FGGY: variants seen among roughly 807,000 people sequenced by gnomAD.
FGGY encodes the protein FGGY carbohydrate kinase domain-containing protein.
In FGGY, 72 loss-of-function variants were observed where a neutral mutation model predicts 71.3. The observed-to-expected ratio is 1.01, with a 90% CI of 0.84 to 1.23. The LOEUF (loss-of-function observed/expected upper bound fraction) is 1.23, where lower values mean the gene tolerates loss of function less well. Ranked by LOEUF, FGGY falls within the 50% of genes most tolerant of loss-of-function variation. The pLI is 0.00. For missense variants in FGGY, 668 were observed against 682.3 expected (o/e 0.98, Z 0.23); for synonymous variants, 251 against 250.3 (o/e 1.00, Z -0.02).
At chr1:59,507,684 ATT>A (rs561953004) in intron 6 of FGGY, among the ~76,000 whole-genome samples, 1,559 of 106,878 alleles carry the variant, frequency 0.015, 16 homozygotes, top group African/African-American at 0.06. Flanking sequence ...TGCTTGGCTA[ATT>A]TTTTTTTTTT....
chr1:59,330,857 T>C lies in FGGY; in HGVS notation c.202-9101T>C, dbSNP rs116407680. 3.0e-3 allele frequency among the ~76,000 whole-genome samples: 464 copies of C among 152,160 alleles called. 4 individuals are homozygous for C. The highest frequency in any genetic ancestry group is 0.011 in the African/African-American group (438 of 41,520). On this transcript the variant is annotated intron_variant, in intron 2 of 15. Transcript: ENST00000303721. The stretch of plus-strand genomic sequence containing the variant: ...CCAATGGGGAGCTCCTCTAGAATCA[T>C]CCTGAGTTTGAGATTGACCAGTCTT...
intron 5 of FGGY, among the ~76,000 whole-genome samples, chr1:59,454,080 A>G (rs17119472): frequency 0.033 from 5,022 of 152,238 alleles, 292 homozygotes; most frequent in African/African-American, 0.12. Context: ...AGGAGCTGAC[A>G]TTGGAACTGG....
chr1:59,442,065 A>G (rs566963126), intron 5 of FGGY, among the ~76,000 whole-genome samples: 112 of 152,242 alleles, frequency 7.4e-4, no homozygotes, highest in African/African-American at 2.6e-3. Context: ...CTTGTATTTC[A>G]CTCATGAAAT....
intron 10 of FGGY, among the ~76,000 whole-genome samples, chr1:59,632,636 C>T (rs920965011): frequency 6.6e-6 from 1 of 152,294 alleles, no homozygotes; most frequent in South Asian, 2.1e-4. Flanking sequence ...ATGTTTGGCA[C>T]TGTGCTTAGT....
At chr1:59,414,075 T>G (rs2063994545) in intron 5 of FGGY, among the ~76,000 whole-genome samples, 1 of 152,176 alleles carries the variant, frequency 6.6e-6, no homozygotes, top group African/African-American at 2.4e-5. Context: ...TAAAATATGT[T>G]GAATTCTTCT....
intron 8 of FGGY, among the ~76,000 whole-genome samples, chr1:59,564,078 G>A (rs1042210233): frequency 4.6e-5 from 7 of 152,096 alleles, no homozygotes; most frequent in Non-Finnish European, 1.0e-4. Flanking sequence ...ACCTGAAACC[G>A]TAAAAAACCT....
chr1:59,499,956 T>C (rs1424130254), intron 6 of FGGY, among the ~76,000 whole-genome samples: 1 of 152,208 alleles, frequency 6.6e-6, no homozygotes. Flanking sequence ...TATATGTTTG[T>C]ATTTCCCTTT....
intron 5 of FGGY, among the ~76,000 whole-genome samples, chr1:59,438,039 G>T (rs1013389422): frequency 3.3e-5 from 5 of 152,200 alleles, no homozygotes; most frequent in African/African-American, 1.2e-4. Context: ...CTAAAGTGAA[G>T]AAATACGACT....
At chr1:59,556,626 C>T (rs184154745) in intron 8 of FGGY, among the ~76,000 whole-genome samples, 1 of 152,284 alleles carries the variant, frequency 6.6e-6, no homozygotes, top group East Asian at 1.9e-4. Context: ...TCTGCTCATG[C>T]ATGTTTTGGC....
chr1:59,440,413 G>A (rs900532274), intron 5 of FGGY, among the ~76,000 whole-genome samples: 3 of 151,850 alleles, frequency 2.0e-5, no homozygotes, highest in Non-Finnish European at 4.4e-5. Context: ...TTTGTTTGTG[G>A]GTGGCTTTGT....
chr1:59,317,852 T>C (rs906737979), intron 1 of FGGY, among the ~76,000 whole-genome samples: 14 of 152,214 alleles, frequency 9.2e-5, no homozygotes, highest in Non-Finnish European at 1.9e-4. Flanking sequence ...GGTTTGACTC[T>C]TTGCTGCATG....
At chr1:59,467,388 A>G (rs1286987100) in intron 6 of FGGY, among the ~76,000 whole-genome samples, 5 of 152,142 alleles carry the variant, frequency 3.3e-5, no homozygotes, top group Non-Finnish European at 5.9e-5. Context: ...TAGAATAAAT[A>G]TCTAATGTAA....
chr1:59,459,891 T>A (rs1484856653), intron 6 of FGGY, among the ~76,000 whole-genome samples: 1 of 152,216 alleles, frequency 6.6e-6, no homozygotes, highest in Admixed American at 6.5e-5. Context: ...AGTGATTATC[T>A]GCATTACTAA....
intron 4 of FGGY, among the ~76,000 whole-genome samples, chr1:59,363,159 A>G (rs2055926533): frequency 1.3e-5 from 2 of 152,234 alleles, no homozygotes; most frequent in Non-Finnish European, 2.9e-5. Flanking sequence ...ACTGAATTGA[A>G]TTCGGCTAAC....
Position 59,601,705 on chromosome 1 carries a change from G to A in FGGY, c.904-6098G>A, listed in dbSNP as rs1160443157. 2.0e-5 allele frequency among the ~76,000 whole-genome samples: 3 copies of A among 152,136 alleles called. No homozygotes were observed. In the East Asian group the frequency reaches 5.8e-4, roughly 29 times the overall value. On this transcript the variant is annotated intron_variant, in intron 8 of 15. Coordinates refer to ENST00000303721, the MANE Select transcript of FGGY (RefSeq NM_018291.5). The stretch of plus-strand genomic sequence containing the variant: ...CAAGTCCCCCTAGATTATAAACTTC[G>A]GGAGGACGGAGACTACATCACTTAT...
At chr1:59,407,090 C>G (rs140155053) in intron 5 of FGGY, among the ~76,000 whole-genome samples, 1 of 152,298 alleles carries the variant, frequency 6.6e-6, no homozygotes, top group East Asian at 1.9e-4. Flanking sequence ...CTCTGTCTGC[C>G]TTGGGCAGCA....
chr1:59,307,554 C>G (rs944396807), intron 1 of FGGY, among the ~76,000 whole-genome samples: 3 of 152,266 alleles, frequency 2.0e-5, no homozygotes, highest in Middle Eastern at 3.4e-3. Context: ...ACCTTGGTTT[C>G]CCATCTAAAA....
chr1:59,726,868 T>C (rs942190965), intron 14 of FGGY, among the ~76,000 whole-genome samples: 1 of 152,208 alleles, frequency 6.6e-6, no homozygotes, highest in South Asian at 2.1e-4. Flanking sequence ...ATTTTTATTA[T>C]TTCTTCTGCT....
At chr1:59,723,412 A>G (rs1161097563) in intron 14 of FGGY, among the ~76,000 whole-genome samples, 1 of 152,166 alleles carries the variant, frequency 6.6e-6, no homozygotes, top group African/African-American at 2.4e-5. Flanking sequence ...TCTGGCTCCC[A>G]CCATCTGCCA....
Sources: gnomAD v4.1 joint callset for allele counts (sites outside exome capture counted in the v4.1 genomes callset) on GRCh38, gnomAD v4.1.1 for gene constraint, MANE v1.5 for transcripts, NCBI Gene and HGNC (gene_info 2026-07-23, HGNC 2026-07-21) for gene names.